DCC: variants seen among roughly 807,000 people sequenced by gnomAD.
The protein encoded by DCC is netrin receptor DCC.
DCC carries 58 observed loss-of-function variants against 172.5 expected under a neutral mutation model. The ratio of observed to expected loss-of-function variants is 0.34; its 90% CI spans 0.27 to 0.42. DCC has a LOEUF of 0.42. Among genes scored for constraint, DCC ranks in the 10% least tolerant of loss-of-function variants. DCC has a pLI of 1.00. For synonymous variants in DCC, 709 were observed against 644.5 expected, an observed-to-expected ratio of 1.10 and a Z score of -1.52; for missense variants, 1,740 against 1,791.0, an observed-to-expected ratio of 0.97 and a Z score of 0.51.
At chr18:52,573,373 T>A (rs1405266263) in intron 1 of DCC, among the ~76,000 whole-genome samples, 16 of 152,200 alleles carry the variant, frequency 1.1e-4, no homozygotes, top group African/African-American at 3.9e-4. Flanking sequence ...AACTAAATCA[T>A]CCTTGAAGTT....
intron 1 of DCC, among the ~76,000 whole-genome samples, chr18:52,706,831 T>C (rs1482184632): frequency 1.3e-5 from 2 of 152,016 alleles, no homozygotes; most frequent in African/African-American, 4.8e-5. Context: ...ATGGTGAGAG[T>C]TGTGCTATGA....
chr18:52,934,978 T>C (rs1482018181), intron 5 of DCC: 1 of 152,196 alleles, frequency 6.6e-6, no homozygotes. Flanking sequence ...TATTTTGTTA[T>C]GGCAGTCTAA....
intron 1 of DCC, among the ~76,000 whole-genome samples, chr18:52,599,162 A>G (rs940529175): frequency 1.3e-5 from 2 of 152,126 alleles, no homozygotes; most frequent in African/African-American, 4.8e-5. Context: ...AGCCAGGGAG[A>G]CCGTTTTACA....
chr18:52,544,903 T>C (rs1461143019), intron 1 of DCC, among the ~76,000 whole-genome samples: 1 of 152,192 alleles, frequency 6.6e-6, no homozygotes, highest in Non-Finnish European at 1.5e-5. Context: ...TTAAACCTAA[T>C]GAAGGTTAGA....
intron 2 of DCC, among the ~76,000 whole-genome samples, chr18:52,793,124 C>G (rs8083070): frequency 0.057 from 8,635 of 152,192 alleles, 796 homozygotes; most frequent in African/African-American, 0.2. Context: ...TATGTAGGAC[C>G]CACAGATTGG....
intron 12 of DCC, among the ~76,000 whole-genome samples, chr18:53,249,775 T>G (rs1165312367): frequency 6.6e-6 from 1 of 152,090 alleles, no homozygotes; most frequent in Middle Eastern, 3.4e-3. Flanking sequence ...AATGCAACCA[T>G]GTGGTTGTAT....
intron 12 of DCC, among the ~76,000 whole-genome samples, chr18:53,295,376 T>G (rs2144758278): frequency 6.6e-6 from 1 of 152,214 alleles, no homozygotes; most frequent in South Asian, 2.1e-4. Context: ...CCATGCTGGG[T>G]TGGTAAAATA....
At chr18:52,958,422 G>T (rs894235003) in intron 5 of DCC, among the ~76,000 whole-genome samples, 9 of 152,126 alleles carry the variant, frequency 5.9e-5, no homozygotes, top group South Asian at 2.1e-4. Flanking sequence ...GAAGCCTAAA[G>T]TGGGGAAATT....
At chr18:52,689,521 C>T (rs191340174) in intron 1 of DCC, among the ~76,000 whole-genome samples, 13 of 152,204 alleles carry the variant, frequency 8.5e-5, no homozygotes, top group Admixed American at 7.2e-4. Flanking sequence ...CATAGACTGT[C>T]AGCTGAGTAA....
intron 16 of DCC, among the ~76,000 whole-genome samples, chr18:53,386,869 C>T (rs1414570717): frequency 6.6e-6 from 1 of 152,162 alleles, no homozygotes; most frequent in African/African-American, 2.4e-5. Flanking sequence ...GTCCAAAATA[C>T]AATAAGCAAC....
intron 1 of DCC, among the ~76,000 whole-genome samples, chr18:52,717,041 G>A (rs1311757766): frequency 6.6e-6 from 1 of 152,184 alleles, no homozygotes; most frequent in Non-Finnish European, 1.5e-5. Context: ...GTCCAGTAAA[G>A]TGTAGCAAGT....
intron 2 of DCC, among the ~76,000 whole-genome samples, chr18:52,882,578 G>T (rs1307246547): frequency 6.6e-6 from 1 of 151,938 alleles, no homozygotes; most frequent in African/African-American, 2.4e-5. Flanking sequence ...TTTCCAAAAT[G>T]CCTCTGGTTA....
chr18:53,305,689 G>A lies in DCC; in HGVS notation c.2023G>A (p.Glu675Lys). Residue 675 changes from glutamate to lysine, a missense_variant, in exon 13 of 29, where the codon GAG becomes AAG. By Grantham distance (56) the Glu-to-Lys change is moderately conservative. Coordinates refer to ENST00000442544, the MANE Select transcript of DCC (RefSeq NM_005215.4). ...CCGCAGGGGTGAGATGGAAACACTG[G>A]AGCCAAACAACCTCTGGTACCTATT... is the stretch of plus-strand genomic sequence containing the variant. Reference protein sequence around the residue: ...TTRRGEMETLEPNNLWYLFTG... With the variant: ...TTRRGEMETLKPNNLWYLFTG... The A allele has an allele frequency of 6.2e-7, 1 of 1,613,976 alleles. No homozygotes were observed. The highest frequency in any genetic ancestry group is 8.5e-7 in the Non-Finnish European group (1 of 1,179,922).
At chr18:53,249,900 CTT>C (rs1197623191) in intron 12 of DCC, among the ~76,000 whole-genome samples, 1 of 151,884 alleles carries the variant, frequency 6.6e-6, no homozygotes, top group African/African-American at 2.4e-5. Flanking sequence ...ATGTTGCTCT[CTT>C]ATAATCAGAT....
At chr18:53,516,350 G>C (rs1284920877) in intron 27 of DCC, among the ~76,000 whole-genome samples, 1 of 147,038 alleles carries the variant, frequency 6.8e-6, no homozygotes, top group East Asian at 2.0e-4. Flanking sequence ...AAAAACCCTA[G>C]AAGAAAACCT....
intron 21 of DCC, among the ~76,000 whole-genome samples, chr18:53,425,897 A>C (rs1910903023): frequency 6.6e-6 from 1 of 152,152 alleles, no homozygotes; most frequent in African/African-American, 2.4e-5. Context: ...CATCCAGAAT[A>C]ATCTTTCTAA....
intron 9 of DCC, 102 bp downstream of exon 9, chr18:53,179,218 G>T: frequency 2.5e-6 from 3 of 1,215,248 alleles, no homozygotes; most frequent in Non-Finnish European, 3.5e-6. Flanking sequence ...CAAAAGCGAA[G>T]AAGAGTTTTT....
intron 2 of DCC, among the ~76,000 whole-genome samples, chr18:52,878,084 C>A (rs1047508352): frequency 2.0e-5 from 3 of 152,070 alleles, no homozygotes; most frequent in Non-Finnish European, 4.4e-5. Context: ...ACTCCCCTCC[C>A]CACTTTGGGG....
At chr18:53,048,975 A>G (rs906444720) in intron 5 of DCC, among the ~76,000 whole-genome samples, 1 of 151,970 alleles carries the variant, frequency 6.6e-6, no homozygotes, top group South Asian at 2.1e-4. Context: ...GACTGTATGT[A>G]TGTCTTCTTT....
Sources: gnomAD v4.1 joint callset for allele counts (sites outside exome capture counted in the v4.1 genomes callset) on GRCh38, gnomAD v4.1.1 for gene constraint, MANE v1.5 for transcripts, NCBI Gene and HGNC (gene_info 2026-07-23, HGNC 2026-07-21) for gene names.